The following IMMP2L variants were observed in gnomAD, a reference collection of about 807,000 sequenced individuals.
IMMP2L encodes inner mitochondrial membrane peptidase subunit 2.
Under a neutral mutation model 19.3 loss-of-function variants are expected in IMMP2L, and 18 were observed. That is an observed-to-expected ratio of 0.93 (90% CI 0.64 to 1.38). The LOEUF is 1.38. IMMP2L is among the 40% of genes most tolerant of loss of function. IMMP2L has a pLI of 0.00. For missense variants in IMMP2L, 233 were observed against 218.2 expected (o/e 1.07, Z -0.43); for synonymous variants, 76 against 73.0 (o/e 1.04, Z -0.21).
intron 3 of IMMP2L, among the ~76,000 whole-genome samples, chr7:111,113,174 A>G (rs1034655441): frequency 6.6e-6 from 1 of 152,150 alleles, no homozygotes; most frequent in Non-Finnish European, 1.5e-5. Context: ...TTCATTCTCT[A>G]TCTATACTAG....
intron 2 of IMMP2L, among the ~76,000 whole-genome samples, chr7:111,493,816 G>C (rs1022062031): frequency 2.6e-5 from 4 of 151,556 alleles, no homozygotes; most frequent in African/African-American, 9.7e-5. Context: ...GATCATCCTG[G>C]CTCAACACGG....
At chr7:111,270,132 T>G (rs1321581436) in intron 3 of IMMP2L, among the ~76,000 whole-genome samples, 3 of 151,748 alleles carry the variant, frequency 2.0e-5, no homozygotes, top group African/African-American at 7.3e-5. Context: ...CCGATTTTCT[T>G]TTCCTAGTGC....
chr7:111,267,880 T>C lies in IMMP2L; in HGVS notation c.239+219358A>G, dbSNP rs117595491. On this transcript the variant is annotated intron_variant, in intron 3 of 5. Transcript: ENST00000405709. The stretch of plus-strand genomic sequence containing the variant: ...GAGTTCATGAGTCATTGTATAAAAA[T>C]AGTGTCGGTTCATTCTCTGTATCAT... 3.5e-4 allele frequency among the ~76,000 whole-genome samples: 53 copies of C among 152,192 alleles called. No homozygotes were observed. In the East Asian group the frequency reaches 8.3e-3, roughly 24 times the overall value.
At chr7:110,942,210 G>A (rs769054923) in intron 4 of IMMP2L, among the ~76,000 whole-genome samples, 27 of 151,912 alleles carry the variant, frequency 1.8e-4, no homozygotes, top group Non-Finnish European at 3.5e-4. Flanking sequence ...TTAACATAAT[G>A]TGGGAAGATT....
At chr7:110,703,269 A>G (rs986883685) in intron 5 of IMMP2L, among the ~76,000 whole-genome samples, 2 of 152,186 alleles carry the variant, frequency 1.3e-5, no homozygotes, top group Non-Finnish European at 2.9e-5. Flanking sequence ...CTTGCATTCC[A>G]GAGATAATCC....
chr7:110,755,624 G>A (rs1259791390), intron 5 of IMMP2L, among the ~76,000 whole-genome samples: 2 of 152,118 alleles, frequency 1.3e-5, no homozygotes, highest in Non-Finnish European at 2.9e-5. Context: ...GTATAGTGGT[G>A]TGAAAGATAT....
chr7:110,901,053 CTAATT>C (rs1314394233), intron 4 of IMMP2L, among the ~76,000 whole-genome samples: 2 of 151,918 alleles, frequency 1.3e-5, no homozygotes, highest in Non-Finnish European at 2.9e-5. Context: ...ATTTTCTAAC[CTAATT>C]TATGTTCTAT....
intron 1 of IMMP2L, among the ~76,000 whole-genome samples, chr7:111,524,981 T>C (rs1323199039): frequency 6.6e-6 from 1 of 152,114 alleles, no homozygotes; most frequent in African/African-American, 2.4e-5. Context: ...AAGCACTGTG[T>C]TAGGTACCAG....
At chr7:110,825,362 A>G (rs1470082091) in intron 5 of IMMP2L, among the ~76,000 whole-genome samples, 1 of 152,192 alleles carries the variant, frequency 6.6e-6, no homozygotes, top group Non-Finnish European at 1.5e-5. Flanking sequence ...GAACCAAAAA[A>G]GAGCCCGCAT....
intron 4 of IMMP2L, among the ~76,000 whole-genome samples, chr7:110,901,806 T>A (rs555685692): frequency 1.4e-4 from 22 of 152,284 alleles, no homozygotes; most frequent in Admixed American, 6.5e-4. Context: ...ATTATTTTTT[T>A]AAAAATGATG....
At chr7:110,824,508 G>A (rs1584943482) in intron 5 of IMMP2L, among the ~76,000 whole-genome samples, 2 of 152,044 alleles carry the variant, frequency 1.3e-5, no homozygotes, top group African/African-American at 4.8e-5. Context: ...CTGGACCACA[G>A]GCACACACCA....
intron 3 of IMMP2L, among the ~76,000 whole-genome samples, chr7:111,084,234 A>G (rs1366279200): frequency 1.3e-5 from 2 of 151,760 alleles, no homozygotes; most frequent in Non-Finnish European, 2.9e-5. Context: ...GAAATGCAAG[A>G]TATGAGGCAC....
intron 3 of IMMP2L, among the ~76,000 whole-genome samples, chr7:111,023,141 T>C (rs1826459707): frequency 6.6e-6 from 1 of 152,212 alleles, no homozygotes; most frequent in African/African-American, 2.4e-5. Flanking sequence ...CAGGGCCTAA[T>C]GAGATTTCGC....
At position 110,729,929 on chromosome 7, in the gene IMMP2L, A is replaced by AT. The variant is rs35261835; in HGVS notation, c.409-66209dup. 2.4e-3 allele frequency among the ~76,000 whole-genome samples: 352 copies of AT among 148,638 alleles called. 2 individuals are homozygous for AT. The highest frequency in any genetic ancestry group is 4.8e-3 in the African/African-American group (192 of 40,364). ...ACTCCAGAACTTAAAATAAAAGTTG[A>AT]TTTTTTTTTTTTTTTAAAAAGCAAC... On this transcript the variant is annotated intron_variant, in intron 5 of 5. Coordinates refer to ENST00000405709, the MANE Select transcript of IMMP2L (RefSeq NM_032549.4).
intron 3 of IMMP2L, among the ~76,000 whole-genome samples, chr7:111,292,736 G>C (rs1038548807): frequency 6.6e-6 from 1 of 151,866 alleles, no homozygotes; most frequent in Non-Finnish European, 1.5e-5. Flanking sequence ...GGCAAATATT[G>C]AACATTTTTT....
intron 3 of IMMP2L, among the ~76,000 whole-genome samples, chr7:111,228,541 C>G (rs979496323): frequency 1.3e-5 from 2 of 152,080 alleles, no homozygotes; most frequent in Non-Finnish European, 2.9e-5. Context: ...AAGACCAGTA[C>G]AGACCCACAG....
intron 5 of IMMP2L, among the ~76,000 whole-genome samples, chr7:110,884,851 T>C (rs766590994): frequency 2.0e-5 from 3 of 152,036 alleles, no homozygotes; most frequent in South Asian, 2.1e-4. Flanking sequence ...ATTATCATCA[T>C]TGCAACTAGA....
intron 2 of IMMP2L, among the ~76,000 whole-genome samples, chr7:111,509,223 C>T (rs1353206295): frequency 2.6e-5 from 4 of 152,032 alleles, no homozygotes; most frequent in Admixed American, 6.6e-5. Flanking sequence ...CCTCACAAAA[C>T]GATTCTAATT....
At chr7:111,442,521 A>C (rs1457031724) in intron 3 of IMMP2L, among the ~76,000 whole-genome samples, 2 of 151,794 alleles carry the variant, frequency 1.3e-5, no homozygotes, top group African/African-American at 4.9e-5. Context: ...ATATTGAATG[A>C]AATCACCCTG....
Sources: allele counts gnomAD v4.1 joint callset (sites outside exome capture counted in the v4.1 genomes callset), GRCh38; gene constraint gnomAD v4.1.1; transcripts MANE v1.5; gene names NCBI Gene and HGNC (gene_info 2026-07-23, HGNC 2026-07-21).